The following CFAP299 variants were observed in gnomAD, a reference collection of about 807,000 sequenced individuals.
CFAP299 encodes cilia- and flagella-associated protein 299.
In CFAP299, 21 loss-of-function variants were observed where a neutral mutation model predicts 27.0. The ratio of observed to expected loss-of-function variants is 0.78; its 90% confidence interval spans 0.55 to 1.12. CFAP299 has a LOEUF of 1.12. Ranked by LOEUF, CFAP299 falls within the 50% of genes most tolerant of loss-of-function variation. CFAP299 has a pLI of 0.00. For missense variants in CFAP299, 310 were observed against 276.6 expected, an observed-to-expected ratio of 1.12 and a Z score of -0.86; for synonymous variants, 104 against 98.1, an observed-to-expected ratio of 1.06 and a Z score of -0.36.
chr4:80,846,714 G>T (rs778933777), intron 3 of CFAP299, among the ~76,000 whole-genome samples: 1 of 151,998 alleles, frequency 6.6e-6, no homozygotes, highest in Non-Finnish European at 1.5e-5. Flanking sequence ...TTCTGCTCAG[G>T]CTTGTTCATA....
chr4:80,840,053 G>C (rs1336645867), intron 3 of CFAP299, among the ~76,000 whole-genome samples: 1 of 152,128 alleles, frequency 6.6e-6, no homozygotes, highest in African/African-American at 2.4e-5. Flanking sequence ...ATTGTGTTTA[G>C]CAGCTTAACC....
intron 2 of CFAP299, among the ~76,000 whole-genome samples, chr4:80,480,396 C>T (rs1166040276): frequency 6.6e-6 from 1 of 151,796 alleles, no homozygotes; most frequent in Non-Finnish European, 1.5e-5. Context: ...AAAAAGGAAG[C>T]AAAGCAAATA....
chr4:80,906,791 AG>A (rs1283863497), intron 4 of CFAP299, among the ~76,000 whole-genome samples: 2 of 152,110 alleles, frequency 1.3e-5, no homozygotes, highest in Non-Finnish European at 2.9e-5. Flanking sequence ...TCCATAGAAC[AG>A]GGGACCCTGG....
At chr4:80,387,002 G>A in intron 2 of CFAP299, 2 of 1,161,190 alleles carry the variant, frequency 1.7e-6, no homozygotes, top group Non-Finnish European at 2.6e-6. Flanking sequence ...CACTGCGGTG[G>A]GTTGGCAGAT....
At chr4:80,887,184 G>A (rs1013740560) in intron 4 of CFAP299, among the ~76,000 whole-genome samples, 1 of 152,112 alleles carries the variant, frequency 6.6e-6, no homozygotes, top group Admixed American at 6.6e-5. Context: ...TAATATCAGA[G>A]AACGTCCCAA....
At chr4:80,561,523 C>T (rs1409397580) in intron 2 of CFAP299, among the ~76,000 whole-genome samples, 3 of 151,938 alleles carry the variant, frequency 2.0e-5, no homozygotes, top group Admixed American at 6.6e-5. Flanking sequence ...ACAGAGAATT[C>T]AAAATAGCTG....
At chr4:80,642,120 A>G (rs1739757501) in intron 3 of CFAP299, among the ~76,000 whole-genome samples, 2 of 152,200 alleles carry the variant, frequency 1.3e-5, no homozygotes, top group Non-Finnish European at 2.9e-5. Context: ...GGAGTTAGTA[A>G]CATTTATCAA....
intron 2 of CFAP299, among the ~76,000 whole-genome samples, chr4:80,552,299 G>C (rs1734562497): frequency 6.6e-6 from 1 of 152,122 alleles, no homozygotes; most frequent in African/African-American, 2.4e-5. Context: ...ATGTGATTGG[G>C]AAATTGTAAA....
At chr4:80,684,066 T>A (rs1720017048) in intron 3 of CFAP299, among the ~76,000 whole-genome samples, 1 of 152,220 alleles carries the variant, frequency 6.6e-6, no homozygotes, top group Non-Finnish European at 1.5e-5. Context: ...AGTATAGTTT[T>A]ACATGAGAGA....
At chr4:80,674,503 G>A (rs1179729526) in intron 3 of CFAP299, among the ~76,000 whole-genome samples, 1 of 151,922 alleles carries the variant, frequency 6.6e-6, no homozygotes, top group African/African-American at 2.4e-5. Flanking sequence ...ATGTGTCTTG[G>A]GGTTGCTCTT....
At chr4:80,611,983 A>T (rs943081757) in intron 3 of CFAP299, among the ~76,000 whole-genome samples, 1 of 152,094 alleles carries the variant, frequency 6.6e-6, no homozygotes, top group Admixed American at 6.6e-5. Context: ...TTAATGAATA[A>T]ATGCTGTGTG....
intron 2 of CFAP299, among the ~76,000 whole-genome samples, chr4:80,533,444 T>C (rs1171719794): frequency 6.6e-6 from 1 of 152,228 alleles, no homozygotes; most frequent in Non-Finnish European, 1.5e-5. Context: ...TTGACTCCTC[T>C]AGCTAGAAAA....
intron 4 of CFAP299, among the ~76,000 whole-genome samples, chr4:80,920,940 CCTT>C (rs1736011728): frequency 6.6e-6 from 1 of 152,122 alleles, no homozygotes. Flanking sequence ...AGCACACATT[CCTT>C]CTTTTAACCT....
chr4:80,668,455 C>G (rs954270061), intron 3 of CFAP299, among the ~76,000 whole-genome samples: 2 of 152,070 alleles, frequency 1.3e-5, no homozygotes, highest in Non-Finnish European at 2.9e-5. Context: ...AGACTTCAGT[C>G]TGTAATCTAT....
intron 3 of CFAP299, among the ~76,000 whole-genome samples, chr4:80,833,961 T>C (rs35336312): frequency 0.059 from 9,047 of 152,200 alleles, 358 homozygotes; most frequent in South Asian, 0.16. Context: ...CATATGACAG[T>C]AGATGGAAGC....
intron 2 of CFAP299, among the ~76,000 whole-genome samples, chr4:80,418,282 T>A (rs1727115669): frequency 6.6e-6 from 1 of 152,174 alleles, no homozygotes; most frequent in Non-Finnish European, 1.5e-5. Context: ...TATATATACA[T>A]GTATATGCAT....
chr4:80,942,147 C>T (rs1432633771), intron 4 of CFAP299, among the ~76,000 whole-genome samples: 1 of 152,178 alleles, frequency 6.6e-6, no homozygotes, highest in Admixed American at 6.5e-5. Flanking sequence ...TACGCGGCTA[C>T]ACTGCAAGAG....
chr4:80,753,758 T>C (rs1472624265), intron 3 of CFAP299, among the ~76,000 whole-genome samples: 2 of 152,184 alleles, frequency 1.3e-5, no homozygotes, highest in Non-Finnish European at 2.9e-5. Flanking sequence ...TTTTCTGCTA[T>C]GTCAAATCTA....
intron 2 of CFAP299, among the ~76,000 whole-genome samples, chr4:80,377,373 T>A (rs1378993919): frequency 6.6e-6 from 1 of 152,140 alleles, no homozygotes; most frequent in Non-Finnish European, 1.5e-5. Flanking sequence ...TTGAAAAGAC[T>A]ATTCTTTTTC....
Sources: allele counts gnomAD v4.1 joint callset (sites outside exome capture counted in the v4.1 genomes callset), GRCh38; gene constraint gnomAD v4.1.1; transcripts MANE v1.5; gene names NCBI Gene and HGNC (gene_info 2026-07-23, HGNC 2026-07-21).